Variants in CR1L observed in about 807,000 individuals in gnomAD.
CR1L encodes the protein complement C3b/C4b receptor 1 like.
In CR1L, 59 loss-of-function variants were observed where a neutral mutation model predicts 62.3. The observed-to-expected ratio is 0.95, with a 90% CI of 0.77 to 1.18. The LOEUF (loss-of-function observed/expected upper bound fraction) is 1.18. CR1L is among the 50% of genes most tolerant of loss of function. The pLI, the probability that CR1L is intolerant of heterozygous loss-of-function variation, is 0.00. For synonymous variants in CR1L, 279 were observed against 248.7 expected, an observed-to-expected ratio of 1.12 and a Z score of -1.15; for missense variants, 700 against 702.8, an observed-to-expected ratio of 1.00 and a Z score of 0.04.
At chr1:207,703,089 A>G (rs1455975668) in intron 9 of CR1L, among the ~76,000 whole-genome samples, 1 of 152,230 alleles carries the variant, frequency 6.6e-6, no homozygotes, top group East Asian at 1.9e-4. Context: ...AGTCATCTCC[A>G]TAACATAAAG....
intron 1 of CR1L, chr1:207,669,391 C>T (rs1227642288): frequency 9.6e-7 from 1 of 1,044,110 alleles, no homozygotes; most frequent in East Asian, 2.4e-5. Context: ...CGCTTTTCCT[C>T]TTATTTCAGT....
chr1:207,671,941 A>C (rs1210003652), intron 1 of CR1L, among the ~76,000 whole-genome samples: 1 of 150,836 alleles, frequency 6.6e-6, no homozygotes, highest in African/African-American at 2.5e-5. Context: ...ATAAAATAAA[A>C]TAAAGGTCAG....
chr1:207,677,336 A>AAAAAAAAAAC (rs1663710198), intron 1 of CR1L, 53 bp from the exon 2 acceptor site: 1 of 970,592 alleles, frequency 1.0e-6, no homozygotes, highest in Non-Finnish European at 1.4e-6. Flanking sequence ...AAAAAAAAAA[A>AAAAAAAAAAC]AGTATGGTAA....
chr1:207,667,233 G>A lies in CR1L; in HGVS notation c.98-10156G>A, dbSNP rs549028786. Among the ~76,000 whole-genome samples the A allele has an allele frequency of 3.3e-5, 5 of 152,270 alleles. No individual in the cohort carries two copies. In the East Asian group the frequency reaches 9.6e-4, roughly 29 times the overall value. ...TGCTACTGTAACAAATTATCTTGTG[G>A]TTTAAAACAACACAAATCTATTCTT... On this transcript the variant is annotated intron_variant, in intron 1 of 11. Transcript: ENST00000508064.
At chr1:207,651,366 T>C (rs1310856220) in intron 1 of CR1L, among the ~76,000 whole-genome samples, 26 of 152,128 alleles carry the variant, frequency 1.7e-4, no homozygotes, top group Non-Finnish European at 1.5e-5. Flanking sequence ...GGACAGTATA[T>C]ATATGGAGAA....
In CR1L at chr1:207,648,206, G is replaced by GAC. The variant is rs67535125; in HGVS notation, c.97+2892_97+2893dup. On this transcript the variant is annotated intron_variant, in intron 1 of 11. Transcript: ENST00000508064. Reference sequence around the variant, plus strand: ...ACACACACACACACACACACACACAGACACACACACACACACAGAAAAAAA... The same window carrying GAC: ...ACACACACACACACACACACACACAGACACACACACACACACACAGAAAAAAA... Among the ~76,000 whole-genome samples, 189 of 108,764 alleles carry GAC rather than the reference G, an allele frequency of 1.7e-3. 6 individuals carry two copies. In the South Asian group the frequency reaches 0.061, roughly 35 times the overall value. 71.4% of individuals were successfully genotyped at this position (108,764 alleles called of 152,430 possible).
At chr1:207,701,448 G>A (rs779133491) in intron 8 of CR1L, 71 bp from the exon 9 acceptor site, 1 of 1,583,088 alleles carries the variant, frequency 6.3e-7, no homozygotes, top group Non-Finnish European at 8.7e-7. Context: ...GCTACATGCA[G>A]GTTGAGACCT....
intron 1 of CR1L, among the ~76,000 whole-genome samples, chr1:207,667,971 A>G (rs1663548176): frequency 6.6e-6 from 1 of 151,226 alleles, no homozygotes; most frequent in Non-Finnish European, 1.5e-5. Flanking sequence ...AGAGAGAGAT[A>G]TCACCTCACC....
intron 9 of CR1L, among the ~76,000 whole-genome samples, chr1:207,702,954 G>A (rs1664214966): frequency 6.6e-6 from 1 of 152,140 alleles, no homozygotes; most frequent in African/African-American, 2.4e-5. Context: ...GTTGTGGCGG[G>A]TTGCCTGTAG....
At chr1:207,685,648 A>T (rs1372719243) in intron 4 of CR1L, among the ~76,000 whole-genome samples, 1 of 152,134 alleles carries the variant, frequency 6.6e-6, no homozygotes, top group Non-Finnish European at 1.5e-5. Context: ...AATTCAGAGA[A>T]CCCAGTTCAA....
intron 5 of CR1L, among the ~76,000 whole-genome samples, 200 bp downstream of exon 5, chr1:207,694,951 A>C (rs1367333118): frequency 6.6e-6 from 1 of 152,242 alleles, no homozygotes; most frequent in Admixed American, 6.5e-5. Context: ...AACCTGGACA[A>C]GGAACGTGAT....
chr1:207,668,490 G>A lies in CR1L; in HGVS notation c.98-8899G>A, dbSNP rs963529323. 3.3e-5 allele frequency among the ~76,000 whole-genome samples: 5 copies of A among 151,026 alleles called. 1 individual carries two copies. Among genetic ancestry groups the A allele is most frequent in the African/African-American group, 1.2e-4 (5 of 40,318 alleles). On this transcript the variant is annotated intron_variant, in intron 1 of 11. Coordinates refer to ENST00000508064, the MANE Select transcript of CR1L (RefSeq NM_175710.2). ...GCTCATCTCATAGAAGTAGAGAGTAGAATACTGGTTACCAGAGGTTGGGGT... is the reference window on the plus strand; with the variant it reads ...GCTCATCTCATAGAAGTAGAGAGTAAAATACTGGTTACCAGAGGTTGGGGT...
At chr1:207,666,583 T>C (rs546726231) in intron 1 of CR1L, among the ~76,000 whole-genome samples, 1 of 152,240 alleles carries the variant, frequency 6.6e-6, no homozygotes, top group African/African-American at 2.4e-5. Flanking sequence ...CCATTATCCA[T>C]TGCAAACTAA....
intron 10 of CR1L, among the ~76,000 whole-genome samples, chr1:207,715,663 T>C (rs187761078): frequency 2.0e-5 from 3 of 151,390 alleles, no homozygotes; most frequent in Admixed American, 2.0e-4. Context: ...CACATTTTAG[T>C]CAGTCATTTA....
In CR1L at chr1:207,710,603, A is replaced by G; in HGVS notation, c.1414+2340A>G. 4 of 1,610,114 alleles carry G rather than the reference A, an allele frequency of 2.5e-6. No individual in the cohort carries two copies. In the South Asian group the frequency reaches 3.3e-5, roughly 13 times the overall value. On this transcript the variant is annotated intron_variant, in intron 10 of 11. Transcript: ENST00000508064. Reference sequence around the variant, plus strand: ...AGTCCCTCAGTGCATTATACCTAACAAATGCACACCTCCAAATGTGGAAAA... The same window carrying G: ...AGTCCCTCAGTGCATTATACCTAACGAATGCACACCTCCAAATGTGGAAAA...
intron 4 of CR1L, among the ~76,000 whole-genome samples, chr1:207,687,345 C>T (rs1411626149): frequency 1.3e-5 from 2 of 152,044 alleles, no homozygotes; most frequent in Non-Finnish European, 2.9e-5. Flanking sequence ...TTTTCTTGTA[C>T]CATGTAGACT....
At position 207,649,750 on chromosome 1, in the gene CR1L, T is replaced by C. The variant is rs144861115; in HGVS notation, c.97+4420T>C. 2.5e-3 allele frequency among the ~76,000 whole-genome samples: 386 copies of C among 152,304 alleles called. 3 individuals carry two copies. Among genetic ancestry groups the C allele is most frequent in the African/African-American group, 8.9e-3 (369 of 41,556 alleles). The stretch of plus-strand genomic sequence containing the variant: ...GTCTCTAAGCTATGTTAGGAAGCCT[T>C]AGACATTATCCTGAGGTCATTGGAG... On this transcript the variant is annotated intron_variant, in intron 1 of 11. Transcript: ENST00000508064.
chr1:207,708,229 T>A lies in CR1L; in HGVS notation c.1380T>A (p.Thr460=). ...SSAECILSGN[T]AHWSMKPPIC... Reference sequence around the variant, plus strand: ...CTGAATGTATCCTCTCGGGCAATACTGCCCATTGGAGCATGAAGCCACCAA... The same window carrying A: ...CTGAATGTATCCTCTCGGGCAATACAGCCCATTGGAGCATGAAGCCACCAA... Residue 460 remains threonine, a synonymous_variant, in exon 10 of 12, where the codon ACT becomes ACA. Transcript: ENST00000508064. The A allele has an allele frequency of 6.2e-7, 1 of 1,611,536 alleles. No individual in the cohort carries two copies. The highest frequency in any genetic ancestry group is 1.1e-5 in the South Asian group (1 of 90,986).
chr1:207,673,583 G>T (rs1663646161), intron 1 of CR1L, among the ~76,000 whole-genome samples: 1 of 152,164 alleles, frequency 6.6e-6, no homozygotes, highest in South Asian at 2.1e-4. Flanking sequence ...ATGAAATTGG[G>T]CTGAGTCATA....
Sources: allele counts gnomAD v4.1 joint callset (sites outside exome capture counted in the v4.1 genomes callset), GRCh38; gene constraint gnomAD v4.1.1; transcripts MANE v1.5; gene names NCBI Gene and HGNC (gene_info 2026-07-23, HGNC 2026-07-21).